Variants in TBC1D12 observed in about 807,000 individuals in gnomAD.
The protein encoded by TBC1D12 is TBC1 domain family, member 12.
TBC1D12 carries 56 observed loss-of-function variants against 86.7 expected under a neutral mutation model. That is an observed-to-expected ratio of 0.65 (90% CI 0.52 to 0.81). The LOEUF (loss-of-function observed/expected upper bound fraction) is 0.81, where lower values mean the gene tolerates loss of function less well. TBC1D12 is among the 30% of genes least tolerant of loss of function. TBC1D12 has a pLI of 0.00. For synonymous variants in TBC1D12, 421 were observed against 411.7 expected (o/e 1.02, Z -0.27); for missense variants, 1,023 against 1,038.8 (o/e 0.98, Z 0.21).
chr10:94,428,438 C>CCACCATG, intron 1 of TBC1D12, among the ~76,000 whole-genome samples: 1 of 152,050 alleles, frequency 6.6e-6, no homozygotes, highest in Middle Eastern at 3.4e-3. Flanking sequence ...TAGACGCATG[C>CCACCATG]CACCATGCCT....
At chr10:94,509,925 A>G (rs2134204561) in intron 7 of TBC1D12, 166 bp from the exon 8 acceptor site, 1 of 575,946 alleles carries the variant, frequency 1.7e-6, no homozygotes, top group South Asian at 2.2e-5. Context: ...TTCTTTGTAC[A>G]AGAGAATAAC....
intron 11 of TBC1D12, among the ~76,000 whole-genome samples, chr10:94,527,554 T>C (rs551383358): frequency 8.8e-4 from 134 of 152,230 alleles, no homozygotes; most frequent in African/African-American, 2.6e-3. Flanking sequence ...GCTTTTTAGT[T>C]TGATATAATC....
chr10:94,410,273 T>C (rs1411428339), intron 1 of TBC1D12, among the ~76,000 whole-genome samples: 1 of 152,240 alleles, frequency 6.6e-6, no homozygotes, highest in Non-Finnish European at 1.5e-5. Context: ...AGCTTTTCAC[T>C]GCACACTATT....
intron 3 of TBC1D12, among the ~76,000 whole-genome samples, chr10:94,478,451 G>A (rs1680614457): frequency 1.3e-5 from 2 of 151,786 alleles, no homozygotes; most frequent in Admixed American, 1.3e-4. Flanking sequence ...GCTCAGTCCT[G>A]TAATCCCAGC....
At chr10:94,441,363 T>C (rs1443243727) in intron 1 of TBC1D12, among the ~76,000 whole-genome samples, 1 of 152,114 alleles carries the variant, frequency 6.6e-6, no homozygotes, top group Admixed American at 6.6e-5. Context: ...ATTGTATTAC[T>C]TAATCCTTTA....
rs746714387 is a variant in TBC1D12, at chr10:94,403,513, C to T, written c.900C>T (p.Ala300=). The T allele has an allele frequency of 2.5e-5, 39 of 1,563,514 alleles. No homozygotes were observed. In the South Asian group the frequency reaches 4.4e-4, roughly 18 times the overall value. Residue 300 remains alanine (A), a synonymous_variant, in exon 1 of 13, where the codon GCC becomes GCT. Coordinates refer to ENST00000225235, the MANE Select transcript of TBC1D12 (RefSeq NM_015188.2). The part of the protein sequence containing the change: ...PPAGPPVPLP[A]AEQGPAGASA... Reference sequence around the variant, plus strand: ...CGGGGCCGCCGGTGCCCTTGCCCGCCGCGGAGCAGGGTCCTGCGGGGGCTT... The same window carrying T: ...CGGGGCCGCCGGTGCCCTTGCCCGCTGCGGAGCAGGGTCCTGCGGGGGCTT...
Position 94,533,061 on chromosome 10 carries a change from G to A in TBC1D12, c.2293G>A (p.Gly765Arg). ...FASVMKDIKE[G>R]DKNSSPALKS ...ATCTGTAATGAAGGATATTAAAGAAGGAGACAAGAACAGTAGTCCTGCTTT... is the reference window on the plus strand; with the variant it reads ...ATCTGTAATGAAGGATATTAAAGAAAGAGACAAGAACAGTAGTCCTGCTTT... The change falls in exon 13 of 13, where the codon GGA becomes AGA. Residue 765 changes from glycine to arginine, a missense_variant. Gly to Arg is a moderately radical substitution (Grantham distance 125). Transcript: ENST00000225235. 2 of 1,595,156 alleles carry A rather than the reference G, an allele frequency of 1.3e-6. No homozygotes were observed. Among genetic ancestry groups the A allele is most frequent in the Non-Finnish European group, 1.7e-6 (2 of 1,170,106 alleles).
intron 2 of TBC1D12, among the ~76,000 whole-genome samples, chr10:94,447,067 A>AC (rs1007851231): frequency 2.0e-5 from 3 of 151,820 alleles, no homozygotes; most frequent in Non-Finnish European, 2.9e-5. Flanking sequence ...CAAAAAAAAA[A>AC]AAAAAAAAAC....
chr10:94,467,179 T>C (rs537025923), intron 2 of TBC1D12, among the ~76,000 whole-genome samples: 2 of 152,234 alleles, frequency 1.3e-5, no homozygotes, highest in Non-Finnish European at 2.9e-5. Flanking sequence ...AGAACTCAAA[T>C]AATTGCACAA....
chr10:94,481,045 CTTTT>C (rs769709070), intron 3 of TBC1D12, among the ~76,000 whole-genome samples: 11 of 126,970 alleles, frequency 8.7e-5, no homozygotes, highest in Admixed American at 8.2e-5. Flanking sequence ...TGAAAGGAAT[CTTTT>C]TTTTTTTTTT....
intron 1 of TBC1D12, among the ~76,000 whole-genome samples, chr10:94,420,946 CA>C (rs1401851946): frequency 2.6e-5 from 4 of 152,164 alleles, no homozygotes; most frequent in African/African-American, 9.7e-5. Context: ...ATAATCAAAT[CA>C]GTCTAATTAG....
At chr10:94,425,586 AC>A (rs1711670747) in intron 1 of TBC1D12, among the ~76,000 whole-genome samples, 1 of 151,390 alleles carries the variant, frequency 6.6e-6, no homozygotes. Flanking sequence ...CATAGAACTC[AC>A]GTTTTTTTTT....
chr10:94,447,832 T>G (rs2134099653), intron 2 of TBC1D12, among the ~76,000 whole-genome samples: 1 of 150,294 alleles, frequency 6.7e-6, no homozygotes, highest in East Asian at 1.9e-4. Flanking sequence ...GTGAGAATGA[T>G]TTCAAATGAA....
At chr10:94,527,134 C>G (rs1209442710) in intron 11 of TBC1D12, among the ~76,000 whole-genome samples, 1 of 146,134 alleles carries the variant, frequency 6.8e-6, no homozygotes, top group East Asian at 2.0e-4. Flanking sequence ...ACTCTGTTGC[C>G]CAGGCTGGAG....
chr10:94,524,557 G>A (rs532760301), intron 11 of TBC1D12, among the ~76,000 whole-genome samples: 111 of 152,004 alleles, frequency 7.3e-4, no homozygotes, highest in African/African-American at 2.4e-3. Flanking sequence ...TGGCCAACAT[G>A]GTGAAACCCG....
intron 12 of TBC1D12, among the ~76,000 whole-genome samples, chr10:94,532,585 A>G (rs1030480735): frequency 6.6e-5 from 10 of 152,344 alleles, no homozygotes; most frequent in Admixed American, 3.3e-4. Flanking sequence ...ATAGACAACA[A>G]TTTTATTATA....
chr10:94,457,180 T>A (rs1252495672), intron 2 of TBC1D12, among the ~76,000 whole-genome samples: 1 of 152,216 alleles, frequency 6.6e-6, no homozygotes, highest in African/African-American at 2.4e-5. Context: ...GGTTGTTTGC[T>A]GCACCTATCA....
intron 2 of TBC1D12, among the ~76,000 whole-genome samples, chr10:94,445,419 C>T (rs1015709259): frequency 4.6e-5 from 7 of 152,218 alleles, no homozygotes; most frequent in Non-Finnish European, 1.0e-4. Context: ...AGCTCTTTTT[C>T]ATTTGAGAAG....
intron 1 of TBC1D12, among the ~76,000 whole-genome samples, chr10:94,422,651 T>C (rs2055091118): frequency 6.6e-6 from 1 of 150,948 alleles, no homozygotes. Flanking sequence ...CATAGCTCAC[T>C]GCAACCTCAA....
Sources: allele counts gnomAD v4.1 joint callset (sites outside exome capture counted in the v4.1 genomes callset), GRCh38; gene constraint gnomAD v4.1.1; transcripts MANE v1.5; gene names NCBI Gene and HGNC (gene_info 2026-07-23, HGNC 2026-07-21).